OGT: variants seen among roughly 807,000 people sequenced by gnomAD.
OGT encodes UDP-N-acetylglucosamine--peptide N-acetylglucosaminyltransferase 110 kDa subunit.
In OGT, 3 loss-of-function variants were observed where a neutral mutation model predicts 75.8. The observed-to-expected ratio is 0.04, with a 90% CI of 0.02 to 0.10. OGT has a LOEUF of 0.10. Among genes scored for constraint, OGT ranks in the 10% least tolerant of loss-of-function variants. The pLI is 1.00. For synonymous variants in OGT, 257 were observed against 289.7 expected, an observed-to-expected ratio of 0.89 and a Z score of 1.15; for missense variants, 260 against 824.4, an observed-to-expected ratio of 0.32 and a Z score of 8.38.
chrX:71,543,098 C>T (rs1189382290), intron 3 of OGT, among the ~76,000 whole-genome samples: 1 of 111,397 alleles, frequency 9.0e-6, no homozygotes, highest in Non-Finnish European at 1.9e-5. Flanking sequence ...CTTTTTGGTT[C>T]ACCTGATGGA....
At chrX:71,538,105 C>T (rs994893452) in intron 3 of OGT, 33 bp downstream of exon 3, 22 of 1,187,312 alleles carry the variant, frequency 1.9e-5, no homozygotes, top group Non-Finnish European at 2.4e-5. Context: ...CTTTCCCTTC[C>T]TAGAAACCCA....
chrX:71,555,160 G>GTGTA, intron 6 of OGT, 30 bp from the exon 7 acceptor site: 1 of 1,027,572 alleles, frequency 9.7e-7, no homozygotes, highest in Non-Finnish European at 1.3e-6. Flanking sequence ...GTGTGTGTGT[G>GTGTA]TGTGTGTGTG....
At chrX:71,549,546 G>A (rs930668062) in intron 5 of OGT, among the ~76,000 whole-genome samples, 2 of 106,777 alleles carry the variant, frequency 1.9e-5, no homozygotes, top group African/African-American at 6.9e-5. Context: ...AGCACTTTGC[G>A]AGGCTGAGGT....
chrX:71,559,172 C>G, intron 12 of OGT, 95 bp from the exon 13 acceptor site: 1 of 790,606 alleles, frequency 1.3e-6, no homozygotes, highest in Non-Finnish European at 1.8e-6. Context: ...CCTTTTTCAA[C>G]AGGTGTGAGG....
intron 18 of OGT, among the ~76,000 whole-genome samples, chrX:71,563,966 A>G (rs2040401000): frequency 8.9e-6 from 1 of 112,233 alleles, no homozygotes; most frequent in African/African-American, 3.2e-5. Flanking sequence ...AGCACAACAG[A>G]TGATAATTCC....
At chrX:71,548,930 CAT>C (rs2040281245) in intron 5 of OGT, among the ~76,000 whole-genome samples, 1 of 111,272 alleles carries the variant, frequency 9.0e-6, no homozygotes, top group Non-Finnish European at 1.9e-5. Context: ...AAATAAAACT[CAT>C]ATTAAAGTTT....
intron 4 of OGT, 82 bp downstream of exon 4, chrX:71,544,717 C>G: frequency 1.3e-6 from 1 of 775,676 alleles, no homozygotes; most frequent in Non-Finnish European, 1.9e-6. Flanking sequence ...CTTCATTGAG[C>G]TATCTTCACA....
Position 71,559,654 on chromosome X carries a change from A to G in OGT, c.1828A>G (p.Asn610Asp), listed in dbSNP as rs1353941413. 1 of 1,209,048 alleles carries G rather than the reference A, an allele frequency of 8.3e-7. No individual in the cohort carries two copies. Among genetic ancestry groups the G allele is most frequent in the South Asian group, 1.8e-5 (1 of 56,768 alleles). ...CCGAGTGAAGGTGATGGCAGAAGCCAATCATTTCATTGATCTTTCTCAGGT... is the reference window on the plus strand; with the variant it reads ...CCGAGTGAAGGTGATGGCAGAAGCCGATCATTTCATTGATCTTTCTCAGGT... ...NFRVKVMAEA[N>D]HFIDLSQIPC... Residue 610 changes from asparagine (N) to aspartate (D), a missense_variant, in exon 14 of 22, where the codon AAT becomes GAT. Coordinates refer to ENST00000373719, the MANE Select transcript of OGT (RefSeq NM_181672.3).
At chrX:71,563,637 T>TC (rs1258939345) in intron 18 of OGT, 138 bp downstream of exon 18, 1 of 486,844 alleles carries the variant, frequency 2.1e-6, no homozygotes, top group African/African-American at 2.4e-5. Context: ...GAAACGTGCA[T>TC]CTTATATAGG....
At chrX:71,547,799 T>C (rs1422886943) in intron 4 of OGT, 108 bp from the exon 5 acceptor site, 1 of 1,128,774 alleles carries the variant, frequency 8.9e-7, no homozygotes, top group East Asian at 3.4e-5. Flanking sequence ...AATAATGATA[T>C]CACCTTCTTC....
In OGT at chrX:71,533,281, C is replaced by G; in HGVS notation, c.-19C>G. 2 of 1,195,055 alleles carry G rather than the reference C, an allele frequency of 1.7e-6. No individual in the cohort carries two copies. The highest frequency in any genetic ancestry group is 2.3e-6 in the Non-Finnish European group (2 of 886,605). ...CAGGACCAATTACCTCTTTTTTGCTCTCCCTCGAGAAGCTCCAGATGGCGT... is the reference window on the plus strand; with the variant it reads ...CAGGACCAATTACCTCTTTTTTGCTGTCCCTCGAGAAGCTCCAGATGGCGT... On this transcript the variant is annotated 5_prime_UTR_variant, in exon 1 of 22. Coordinates refer to ENST00000373719, the MANE Select transcript of OGT (RefSeq NM_181672.3).
At chrX:71,558,983 G>C (rs1490965834) in intron 12 of OGT, among the ~76,000 whole-genome samples, 2 of 92,654 alleles carry the variant, frequency 2.2e-5, no homozygotes, top group African/African-American at 8.1e-5. Context: ...GGATTTCACT[G>C]TGTTGGCCAG....
chrX:71,547,872 T>C (rs1430250080), intron 4 of OGT, 35 bp from the exon 5 acceptor site: 1 of 1,160,235 alleles, frequency 8.6e-7, no homozygotes, highest in African/African-American at 1.9e-5. Context: ...TTTACCTCCT[T>C]TCCCTCCCAT....
chrX:71,538,154 G>A (rs1421411909), intron 3 of OGT, 82 bp downstream of exon 3: 1 of 1,057,189 alleles, frequency 9.5e-7, no homozygotes, highest in African/African-American at 1.8e-5. Flanking sequence ...ACTAAAGTAG[G>A]TTTTCACATG....
At chrX:71,573,521 C>A in intron 21 of OGT, 99 bp from the exon 22 acceptor site, 1 of 673,496 alleles carries the variant, frequency 1.5e-6, no homozygotes, top group Non-Finnish European at 2.2e-6. Context: ...AGAGTTTGGT[C>A]ATGCATTTTT....
chrX:71,554,636 G>T (rs774513661), intron 6 of OGT, 44 bp downstream of exon 6: 2 of 1,010,953 alleles, frequency 2.0e-6, no homozygotes, highest in Non-Finnish European at 2.8e-6. Context: ...AATCTTTGTT[G>T]TATTGACACT....
Position 71,560,559 on chromosome X carries a change from A to G in OGT, c.1851+882A>G, listed in dbSNP as rs754408531. ...CATGTATGTATGTACATACACATGC[A>G]GGTATGATATGTATGCATATATGTA... On this transcript the variant is annotated intron_variant, in intron 14 of 21. Transcript: ENST00000373719. Among the ~76,000 whole-genome samples, 53 of 111,839 alleles carry G rather than the reference A, an allele frequency of 4.7e-4. 1 individual carries two copies. Among genetic ancestry groups the G allele is most frequent in the Non-Finnish European group, 8.7e-4 (46 of 53,150 alleles).
chrX:71,561,702 A>C, intron 14 of OGT, 73 bp from the exon 15 acceptor site: 1 of 910,485 alleles, frequency 1.1e-6, no homozygotes, highest in South Asian at 3.2e-5. Context: ...ACTAAATGCC[A>C]TTAAAACTAA....
intron 3 of OGT, among the ~76,000 whole-genome samples, chrX:71,538,830 A>G (rs1313766909): frequency 8.9e-6 from 1 of 112,258 alleles, no homozygotes; most frequent in East Asian, 2.8e-4. Context: ...CATTGTCAAC[A>G]TTCAGTTTTG....
Sources: allele counts gnomAD v4.1 joint callset (sites outside exome capture counted in the v4.1 genomes callset), GRCh38; gene constraint gnomAD v4.1.1; transcripts MANE v1.5; gene names NCBI Gene and HGNC (gene_info 2026-07-23, HGNC 2026-07-21).